Variants in LPP observed in about 807,000 individuals in gnomAD.
The protein encoded by LPP is lipoma-preferred partner.
LPP carries 38 observed loss-of-function variants against 60.4 expected under a neutral mutation model. The ratio of observed to expected loss-of-function variants is 0.63; its 90% confidence interval spans 0.49 to 0.83. The LOEUF (loss-of-function observed/expected upper bound fraction) is 0.83, where lower values mean the gene tolerates loss of function less well. Among genes scored for constraint, LPP ranks in the 40% least tolerant of loss-of-function variants. The pLI, the probability that LPP is intolerant of heterozygous loss-of-function variation, is 0.00. For missense variants in LPP, 902 were observed against 783.6 expected (o/e 1.15, Z -1.80); for synonymous variants, 328 against 290.8 (o/e 1.13, Z -1.30).
intron 9 of LPP, among the ~76,000 whole-genome samples, chr3:188,808,390 G>T (rs571664482): frequency 6.6e-6 from 1 of 152,090 alleles, no homozygotes; most frequent in East Asian, 1.9e-4. Context: ...AGGCAGTGTG[G>T]CTGTGAGTCT....
intron 4 of LPP, among the ~76,000 whole-genome samples, chr3:188,407,784 G>GTTTTTTTTTTTT (rs1397646143): frequency 8.7e-6 from 1 of 114,820 alleles, no homozygotes; most frequent in African/African-American, 3.8e-5. Context: ...TTTTTTGTTT[G>GTTTTTTTTTTTT]TTTGTTTTTT....
At chr3:188,708,892 TTTG>T (rs927062630) in intron 8 of LPP, 19 of 156,490 alleles carry the variant, frequency 1.2e-4, no homozygotes, top group Admixed American at 4.5e-4. Context: ...TGTTTTTGTT[TTTG>T]TTTTTTGTTT....
intron 7 of LPP, among the ~76,000 whole-genome samples, chr3:188,633,722 A>AG (rs1416537784): frequency 6.6e-6 from 1 of 152,256 alleles, no homozygotes; most frequent in Non-Finnish European, 1.5e-5. Flanking sequence ...GTAAAATGGC[A>AG]GGGATGTAAT....
At chr3:188,525,060 G>A (rs1207958068) in intron 6 of LPP, among the ~76,000 whole-genome samples, 2 of 149,232 alleles carry the variant, frequency 1.3e-5, no homozygotes, top group East Asian at 2.0e-4. Context: ...TCCGCCTCCC[G>A]GGTTCAAGCA....
intron 3 of LPP, among the ~76,000 whole-genome samples, chr3:188,355,930 C>T (rs1034911818): frequency 5.9e-5 from 9 of 152,050 alleles, no homozygotes; most frequent in African/African-American, 1.9e-4. Context: ...CACACAAAGG[C>T]GGCTATGTTT....
chr3:188,524,647 C>T lies in LPP; in HGVS notation c.307-18C>T. The T allele has an allele frequency of 6.2e-7, 1 of 1,609,142 alleles. No homozygotes were observed. The highest frequency in any genetic ancestry group is 8.5e-7 in the Non-Finnish European group (1 of 1,177,776). ...AGGGAAATTTCCTTTGTTAACATGT[C>T]TGTGTTGCTTCCAACAGGGGAATCC... On this transcript the variant is annotated intron_variant, in intron 5 of 11. Coordinates refer to ENST00000617246, the MANE Select transcript of LPP (RefSeq NM_001375462.1).
intron 4 of LPP, among the ~76,000 whole-genome samples, chr3:188,407,067 A>C (rs11928124): frequency 0.058 from 7,051 of 121,310 alleles, 557 homozygotes; most frequent in African/African-American, 0.22. Flanking sequence ...CTCAAGAAAA[A>C]ATAACTTAAA....
At chr3:188,509,876 T>G (rs770970509) in intron 5 of LPP, among the ~76,000 whole-genome samples, 6,039 of 141,398 alleles carry the variant, frequency 0.043, 189 homozygotes, top group African/African-American at 0.064. Context: ...TTTTGTTGTT[T>G]TTTTTTTTTT....
At chr3:188,771,416 G>A (rs919129674) in intron 9 of LPP, among the ~76,000 whole-genome samples, 1 of 151,900 alleles carries the variant, frequency 6.6e-6, no homozygotes, top group African/African-American at 2.4e-5. Flanking sequence ...GAATGTGGTG[G>A]CACAAGCCTG....
At position 188,432,117 on chromosome 3, in the gene LPP, C is replaced by T. The variant is rs1437870399; in HGVS notation, c.193+25804C>T. 2.0e-5 allele frequency among the ~76,000 whole-genome samples: 3 copies of T among 152,044 alleles called. No individual in the cohort carries two copies. In the East Asian group the frequency reaches 5.8e-4, roughly 29 times the overall value. ...TCATAGCATTATTTGAAGTTTGGTA[C>T]TAATATTTCCATTTTTCAAGTGATG... On this transcript the variant is annotated intron_variant, in intron 4 of 11. Transcript: ENST00000617246.
chr3:188,443,619 T>C (rs956643035), intron 4 of LPP, among the ~76,000 whole-genome samples: 6 of 152,202 alleles, frequency 3.9e-5, no homozygotes, highest in Admixed American at 1.3e-4. Context: ...CTTTTCTTTG[T>C]GGTTTTGACT....
At chr3:188,743,984 T>C (rs1318535590) in intron 8 of LPP, among the ~76,000 whole-genome samples, 2 of 152,150 alleles carry the variant, frequency 1.3e-5, no homozygotes, top group Non-Finnish European at 2.9e-5. Context: ...ATTTGCATTG[T>C]AGTAGAAATT....
intron 7 of LPP, among the ~76,000 whole-genome samples, chr3:188,628,203 AC>A (rs1284473103): frequency 6.6e-6 from 1 of 152,132 alleles, no homozygotes; most frequent in Admixed American, 6.6e-5. Context: ...GAAAAACAAG[AC>A]CAAACTAATT....
chr3:188,170,179 T>G (rs533109146), intron 1 of LPP, among the ~76,000 whole-genome samples: 4 of 152,326 alleles, frequency 2.6e-5, no homozygotes, highest in Admixed American at 6.5e-5. Flanking sequence ...GCCTTCGGCT[T>G]TGTTCCAACT....
intron 4 of LPP, among the ~76,000 whole-genome samples, chr3:188,428,884 C>T (rs1338447932): frequency 6.6e-6 from 1 of 151,928 alleles, no homozygotes; most frequent in Non-Finnish European, 1.5e-5. Context: ...ATTGTAACTA[C>T]CTGCCCTTCA....
At chr3:188,741,309 G>A (rs1414603945) in intron 8 of LPP, among the ~76,000 whole-genome samples, 1 of 151,910 alleles carries the variant, frequency 6.6e-6, no homozygotes, top group African/African-American at 2.4e-5. Context: ...TCCTTGTGCT[G>A]GTACTCCGCT....
intron 2 of LPP, among the ~76,000 whole-genome samples, chr3:188,319,690 T>C (rs1264793851): frequency 1.3e-5 from 2 of 152,210 alleles, no homozygotes; most frequent in Non-Finnish European, 2.9e-5. Flanking sequence ...GTACAAAGAG[T>C]TCCTGTGTAC....
At chr3:188,602,483 A>T (rs1482451589) in intron 6 of LPP, among the ~76,000 whole-genome samples, 3 of 151,770 alleles carry the variant, frequency 2.0e-5, no homozygotes, top group South Asian at 2.1e-4. Context: ...AAACTCAGAA[A>T]CCAATTATAT....
intron 7 of LPP, among the ~76,000 whole-genome samples, chr3:188,682,975 G>A (rs995516705): frequency 6.6e-6 from 1 of 152,000 alleles, no homozygotes; most frequent in Non-Finnish European, 1.5e-5. Context: ...TTTTAAAACA[G>A]GATGACCACA....
Sources: gnomAD v4.1 joint callset for allele counts (sites outside exome capture counted in the v4.1 genomes callset) on GRCh38, gnomAD v4.1.1 for gene constraint, MANE v1.5 for transcripts, NCBI Gene and HGNC (gene_info 2026-07-23, HGNC 2026-07-21) for gene names.